Variants in ALK observed in about 807,000 individuals in gnomAD.
ALK encodes the protein ALK tyrosine kinase receptor.
Under a neutral mutation model 163.1 loss-of-function variants are expected in ALK, and 74 were observed. The observed-to-expected ratio is 0.45, with a 90% CI of 0.38 to 0.55. The LOEUF is 0.55. ALK is among the 20% of genes least tolerant of loss of function. The pLI, the probability that ALK is intolerant of heterozygous loss-of-function variation, is 0.00. For missense variants in ALK, 2,063 were observed against 2,105.3 expected (o/e 0.98, Z 0.39); for synonymous variants, 960 against 843.2 (o/e 1.14, Z -2.40).
At chr2:29,240,152 C>CAGAGAGAGAGAG (rs3054022) in intron 12 of ALK, among the ~76,000 whole-genome samples, 1 of 143,298 alleles carries the variant, frequency 7.0e-6, no homozygotes, top group African/African-American at 2.6e-5. Context: ...AGGGAAACAG[C>CAGAGAGAGAGAG]AGAGAGAGAG....
chr2:29,328,806 A>G (rs1361439557), intron 5 of ALK, among the ~76,000 whole-genome samples: 1 of 152,178 alleles, frequency 6.6e-6, no homozygotes, highest in African/African-American at 2.4e-5. Flanking sequence ...TTAGTGTGCC[A>G]AGTGGATGGC....
chr2:29,849,877 T>G (rs1359227474), intron 1 of ALK, among the ~76,000 whole-genome samples: 2 of 152,118 alleles, frequency 1.3e-5, no homozygotes, highest in Non-Finnish European at 2.9e-5. Flanking sequence ...ATCCCTCCAA[T>G]CTCGTGGTGC....
At chr2:29,500,358 G>A (rs1033931216) in intron 4 of ALK, among the ~76,000 whole-genome samples, 21 of 152,084 alleles carry the variant, frequency 1.4e-4, no homozygotes, top group African/African-American at 3.1e-4. Flanking sequence ...TTGCTCCACC[G>A]TGTAAGATGC....
At chr2:29,412,926 C>T (rs1310330950) in intron 4 of ALK, among the ~76,000 whole-genome samples, 1 of 152,208 alleles carries the variant, frequency 6.6e-6, no homozygotes, top group Non-Finnish European at 1.5e-5. Context: ...TTGTTTGTCT[C>T]CTTGCCTTCA....
At chr2:29,872,290 A>T (rs561647162) in intron 1 of ALK, among the ~76,000 whole-genome samples, 1 of 152,220 alleles carries the variant, frequency 6.6e-6, no homozygotes, top group Non-Finnish European at 1.5e-5. Flanking sequence ...CATGATATTA[A>T]GGACATCCTG....
At position 29,738,229 on chromosome 2, in the gene ALK, G is replaced by A. The variant is rs141236536; in HGVS notation, c.668-20532C>T. Among the ~76,000 whole-genome samples the A allele has an allele frequency of 1.7e-3, 261 of 151,962 alleles. 5 individuals are homozygous for A. The highest frequency in any genetic ancestry group is 0.016 in the South Asian group (76 of 4,804). ...CTAGTTACACAAAACCGAGCATCACGCCAAAAAGTCCCAGCCCCCATGGAC... is the reference window on the plus strand; with the variant it reads ...CTAGTTACACAAAACCGAGCATCACACCAAAAAGTCCCAGCCCCCATGGAC... On this transcript the variant is annotated intron_variant, in intron 1 of 28. Transcript: ENST00000389048.
intron 4 of ALK, among the ~76,000 whole-genome samples, chr2:29,494,202 T>C (rs531024580): frequency 6.6e-6 from 1 of 152,296 alleles, no homozygotes; most frequent in South Asian, 2.1e-4. Context: ...GAAGGTGCAG[T>C]ATAAATGGCA....
intron 4 of ALK, among the ~76,000 whole-genome samples, chr2:29,426,248 G>A (rs1670133749): frequency 6.6e-6 from 1 of 152,066 alleles, no homozygotes; most frequent in Non-Finnish European, 1.5e-5. Context: ...CCCACTGCAG[G>A]GAAATAGACT....
intron 5 of ALK, among the ~76,000 whole-genome samples, chr2:29,374,478 A>T (rs11693803): frequency 0.062 from 9,452 of 152,166 alleles, 337 homozygotes; most frequent in Middle Eastern, 0.11. Flanking sequence ...CAGAGATTTT[A>T]AAAAAAGACA....
chr2:29,451,476 C>T (rs1382133418), intron 4 of ALK, among the ~76,000 whole-genome samples: 6 of 152,162 alleles, frequency 3.9e-5, no homozygotes, highest in Non-Finnish European at 8.8e-5. Flanking sequence ...CCTACACACA[C>T]ACAACCAAAC....
intron 4 of ALK, among the ~76,000 whole-genome samples, chr2:29,515,020 C>T (rs948753748): frequency 1.3e-5 from 2 of 152,144 alleles, no homozygotes; most frequent in African/African-American, 4.8e-5. Flanking sequence ...TTCCCCTGGC[C>T]TTCTCTCCAG....
At chr2:29,901,060 A>C (rs1304256440) in intron 1 of ALK, among the ~76,000 whole-genome samples, 1 of 152,134 alleles carries the variant, frequency 6.6e-6, no homozygotes, top group Non-Finnish European at 1.5e-5. Flanking sequence ...GGGTGAGAAG[A>C]AAGCACAGAT....
At chr2:29,447,139 G>A (rs1670704858) in intron 4 of ALK, among the ~76,000 whole-genome samples, 1 of 152,138 alleles carries the variant, frequency 6.6e-6, no homozygotes, top group African/African-American at 2.4e-5. Flanking sequence ...CGTGGGTGGA[G>A]GTGGATGCCA....
chr2:29,793,879 T>G (rs148406278), intron 1 of ALK, among the ~76,000 whole-genome samples: 29 of 152,198 alleles, frequency 1.9e-4, no homozygotes, highest in African/African-American at 6.8e-4. Flanking sequence ...TTAGCATAAT[T>G]TTAAAAGCCC....
intron 1 of ALK, among the ~76,000 whole-genome samples, chr2:29,823,467 A>T: frequency 6.6e-6 from 1 of 152,088 alleles, no homozygotes; most frequent in Non-Finnish European, 1.5e-5. Context: ...AAACTTTGGA[A>T]CTCCCTAAAG....
intron 1 of ALK, among the ~76,000 whole-genome samples, chr2:29,833,480 C>T (rs72788261): frequency 0.088 from 13,377 of 152,208 alleles, 782 homozygotes; most frequent in Non-Finnish European, 0.12. Flanking sequence ...ATTTATTTTC[C>T]GTATCCTGAG....
chr2:29,511,385 G>A lies in ALK; in HGVS notation c.1154+20530C>T, dbSNP rs191159876. On this transcript the variant is annotated intron_variant, in intron 4 of 28. Coordinates refer to ENST00000389048, the MANE Select transcript of ALK (RefSeq NM_004304.5). The stretch of plus-strand genomic sequence containing the variant: ...TTTCTGGAATTACATATAAATGGAA[G>A]CACAAACTATGTGGTCTTTGTGCCT... 5.3e-5 allele frequency among the ~76,000 whole-genome samples: 8 copies of A among 152,330 alleles called. No individual in the cohort carries two copies. In the East Asian group the frequency reaches 1.5e-3, roughly 29 times the overall value.
At chr2:29,853,506 A>G (rs1666058279) in intron 1 of ALK, among the ~76,000 whole-genome samples, 1 of 152,016 alleles carries the variant, frequency 6.6e-6, no homozygotes, top group South Asian at 2.1e-4. Flanking sequence ...CCCCACTTCT[A>G]CCACCCAGTT....
At chr2:29,727,859 G>C (rs1049691671) in intron 1 of ALK, among the ~76,000 whole-genome samples, 2 of 152,152 alleles carry the variant, frequency 1.3e-5, no homozygotes, top group African/African-American at 4.8e-5. Context: ...GACTCAGAGT[G>C]GGGGAGCTGG....
Sources: allele counts gnomAD v4.1 joint callset (sites outside exome capture counted in the v4.1 genomes callset), GRCh38; gene constraint gnomAD v4.1.1; transcripts MANE v1.5; gene names NCBI Gene and HGNC (gene_info 2026-07-23, HGNC 2026-07-21).